The following ANKHD1 variants were observed in gnomAD, a reference collection of about 807,000 sequenced individuals.
ANKHD1 encodes the protein ankyrin repeat and KH domain-containing protein 1.
Under a neutral mutation model 230.5 loss-of-function variants are expected in ANKHD1, and 31 were observed. The observed-to-expected ratio is 0.13, with a 90% CI of 0.10 to 0.18. The LOEUF (loss-of-function observed/expected upper bound fraction) is 0.18, where lower values mean the gene tolerates loss of function less well. ANKHD1 is among the 10% of genes least tolerant of loss of function. The pLI is 1.00. For synonymous variants in ANKHD1, 1,074 were observed against 1,117.6 expected (o/e 0.96, Z 0.78); for missense variants, 2,256 against 3,071.3 (o/e 0.73, Z 6.27).
chr5:140,406,911 C>T (rs920435648), intron 1 of ANKHD1, among the ~76,000 whole-genome samples: 2 of 152,018 alleles, frequency 1.3e-5, no homozygotes. Flanking sequence ...TCTTAGCTAT[C>T]GAAGCCCTTG....
Position 140,514,828 on chromosome 5 carries a change from C to T in ANKHD1, c.4317+1349C>T, listed in dbSNP as rs777687209. On this transcript the variant is annotated intron_variant, in intron 24 of 33. Transcript: ENST00000360839. ...TCTACTAAAAGTTTAAAAAATTCAC[C>T]GGGCATAGAGGTGCACACCTGTAGT... Among the ~76,000 whole-genome samples, 8 of 152,068 alleles carry T rather than the reference C, an allele frequency of 5.3e-5. No individual in the cohort carries two copies. In the South Asian group the frequency reaches 6.2e-4, roughly 12 times the overall value.
chr5:140,529,353 G>T lies in ANKHD1; in HGVS notation c.6407G>T (p.Arg2136Leu), dbSNP rs542858619. ...GTACCAGCACCTCGAGTTTCTCATC[G>T]AATGCAGCCCAGAGGTTCTTTTTAC... ...LAVPAPRVSH[R>L]MQPRGSFYSM... The change falls in exon 29 of 34, where the codon CGA (arginine) becomes CTA (leucine). Residue 2136 changes from arginine to leucine, a missense_variant. Arg to Leu is a moderately radical substitution (Grantham distance 102). Transcript: ENST00000360839. 6.2e-7 allele frequency: 1 copy of T among 1,614,134 alleles called. No homozygotes were observed. Among genetic ancestry groups the T allele is most frequent in the South Asian group, 1.1e-5 (1 of 91,084 alleles).
chr5:140,526,477 C>T (rs1753610432), intron 26 of ANKHD1, 34 bp downstream of exon 26: 1 of 1,562,544 alleles, frequency 6.4e-7, no homozygotes, highest in Non-Finnish European at 8.6e-7. Context: ...TCTACCTGCA[C>T]CTTTCCTTCT....
At position 140,458,786 on chromosome 5, in the gene ANKHD1, T is replaced by C; in HGVS notation, c.1404T>C (p.Asn468=). 4 of 1,613,022 alleles carry C rather than the reference T, an allele frequency of 2.5e-6. No individual in the cohort carries two copies. Among genetic ancestry groups the C allele is most frequent in the Non-Finnish European group, 2.5e-6 (3 of 1,179,712 alleles). Reference sequence around the variant, plus strand: ...GGGGAGCAAATCTTGAAGAAGTTAATGATGAAGGATACACTCCCTTGATGG... The same window carrying C: ...GGGGAGCAAATCTTGAAGAAGTTAACGATGAAGGATACACTCCCTTGATGG... ...IERGANLEEV[N]DEGYTPLMEA... The change falls in exon 8 of 34, where the codon AAT becomes AAC. Residue 468 remains asparagine, a synonymous_variant. Coordinates refer to ENST00000360839, the MANE Select transcript of ANKHD1 (RefSeq NM_017747.3).
rs889012739 is a variant in ANKHD1 at position 140,510,200 on chromosome 5, A to G, written c.4104+19A>G. 1.0e-5 allele frequency: 16 copies of G among 1,580,186 alleles called. No individual in the cohort carries two copies. The African/African-American group carries it at 1.3e-4, about 13-fold the overall frequency. The stretch of plus-strand genomic sequence containing the variant: ...TCGCAAGGTAATTTGATATGGGGGA[A>G]GAAAGGTCAATTTTAAGCCAATTCT... On this transcript the variant is annotated intron_variant, in intron 22 of 33. Transcript: ENST00000360839.
In ANKHD1 at chr5:140,505,165, G is replaced by A; in HGVS notation, c.3194G>A (p.Gly1065Asp). 2 of 1,614,100 alleles carry A rather than the reference G, an allele frequency of 1.2e-6. No individual in the cohort carries two copies. The highest frequency in any genetic ancestry group is 4.5e-5 in the East Asian group (2 of 44,876). ...HDTALTLACA[G>D]GHEELVSVLI... Reference sequence around the variant, plus strand: ...ACAGCATTAACACTAGCTTGTGCAGGTGGTCATGAAGAACTTGTATCTGTG... The same window carrying A: ...ACAGCATTAACACTAGCTTGTGCAGATGGTCATGAAGAACTTGTATCTGTG... Residue 1065 changes from glycine to aspartate, a missense_variant, in exon 17 of 34, where the codon GGT (glycine) becomes GAT (aspartate). Gly to Asp is a moderately conservative substitution (Grantham distance 94, BLOSUM62 -1). Coordinates refer to ENST00000360839, the MANE Select transcript of ANKHD1 (RefSeq NM_017747.3).
In ANKHD1 at chr5:140,539,098, A is replaced by G. The variant is rs1754197766; in HGVS notation, c.7569+15A>G. On this transcript the variant is annotated intron_variant, in intron 33 of 33. Coordinates refer to ENST00000360839, the MANE Select transcript of ANKHD1 (RefSeq NM_017747.3). ...ATGCCCAGCAGGTAAAATGGGCTTAATGCTCTTTTGTTTTTTAGATTTGTC... is the reference window on the plus strand; with the variant it reads ...ATGCCCAGCAGGTAAAATGGGCTTAGTGCTCTTTTGTTTTTTAGATTTGTC... The G allele has an allele frequency of 1.9e-6, 3 of 1,584,420 alleles. No homozygotes were observed. The highest frequency in any genetic ancestry group is 2.6e-6 in the Non-Finnish European group (3 of 1,166,572).
chr5:140,421,369 C>T (rs1319579884), intron 1 of ANKHD1, among the ~76,000 whole-genome samples: 5 of 143,756 alleles, frequency 3.5e-5, no homozygotes, highest in Admixed American at 7.3e-5. Flanking sequence ...GGCGTGATCT[C>T]GGCTCACTGC....
intron 14 of ANKHD1, among the ~76,000 whole-genome samples, chr5:140,495,909 G>A (rs957531698): frequency 1.3e-5 from 2 of 152,040 alleles, no homozygotes; most frequent in African/African-American, 4.8e-5. Flanking sequence ...TGTGTTAAAG[G>A]TATATTTAAT....
chr5:140,533,901 C>T (rs1753956949), intron 29 of ANKHD1, among the ~76,000 whole-genome samples: 1 of 151,962 alleles, frequency 6.6e-6, no homozygotes, highest in Non-Finnish European at 1.5e-5. Flanking sequence ...ATTCTCACTA[C>T]CTCTAGGTTT....
At chr5:140,487,470 G>T (rs1426050310) in intron 14 of ANKHD1, among the ~76,000 whole-genome samples, 1 of 152,138 alleles carries the variant, frequency 6.6e-6, no homozygotes, top group East Asian at 1.9e-4. Context: ...TGAGTGAGAA[G>T]TTTAAGAATT....
intron 1 of ANKHD1, among the ~76,000 whole-genome samples, chr5:140,423,099 C>G (rs1001436173): frequency 6.6e-6 from 1 of 151,938 alleles, no homozygotes; most frequent in Non-Finnish European, 1.5e-5. Flanking sequence ...GGTGAGGTCT[C>G]AATACCTAGG....
chr5:140,455,059 A>G (rs1775062709), intron 7 of ANKHD1, among the ~76,000 whole-genome samples: 1 of 152,204 alleles, frequency 6.6e-6, no homozygotes, highest in Non-Finnish European at 1.5e-5. Context: ...AGAAATACAA[A>G]CTACCATCAG....
At chr5:140,471,192 T>C (rs921328842) in intron 10 of ANKHD1, among the ~76,000 whole-genome samples, 1 of 152,170 alleles carries the variant, frequency 6.6e-6, no homozygotes, top group African/African-American at 2.4e-5. Flanking sequence ...GCTCAATCTG[T>C]ATTTAGTTTC....
At position 140,527,071 on chromosome 5, in the gene ANKHD1, G is replaced by A. The variant is rs768430611; in HGVS notation, c.5084G>A (p.Arg1695Gln). The change falls in exon 27 of 34, where the codon CGA becomes CAA. Residue 1695 changes from arginine to glutamine, a missense_variant. This residue lies in a region of ANKHD1 where 212 missense variants were observed against 257.3 expected (regional missense o/e 0.82). Transcript: ENST00000360839. This position sits in a 1 kb window ranked among gnomAD's most constrained non-coding sequence, Gnocchi z 4.5. ...GAAGAAGGGTGGAAAGAAGTTGTAC[G>A]AAGGTAAATAGAATTAGTTCCATCT... ...KREEGWKEVVRRSKKLSVPAS... is the reference protein window; with the variant it reads ...KREEGWKEVVQRSKKLSVPAS... 2 of 1,611,322 alleles carry A rather than the reference G, an allele frequency of 1.2e-6. No individual in the cohort carries two copies. Among genetic ancestry groups the A allele is most frequent in the Admixed American group, 1.7e-5 (1 of 59,316 alleles).
chr5:140,530,636 T>C (rs1231188888), intron 29 of ANKHD1, among the ~76,000 whole-genome samples: 4 of 152,234 alleles, frequency 2.6e-5, no homozygotes, highest in East Asian at 3.8e-4. Context: ...ATGAGAAATA[T>C]ATAGACAGAT....
intron 1 of ANKHD1, among the ~76,000 whole-genome samples, chr5:140,418,323 T>C (rs1243126310): frequency 6.6e-6 from 1 of 151,994 alleles, no homozygotes; most frequent in Non-Finnish European, 1.5e-5. Context: ...GTTTTTTGTA[T>C]TTTTTGTAGA....
At chr5:140,487,683 C>T (rs1175588348) in intron 14 of ANKHD1, among the ~76,000 whole-genome samples, 2 of 152,066 alleles carry the variant, frequency 1.3e-5, no homozygotes, top group African/African-American at 2.4e-5. Flanking sequence ...TGAAATGTAC[C>T]TTCATGTATA....
In ANKHD1 at chr5:140,473,273, C is replaced by T. The variant is rs151194218; in HGVS notation, c.1782+8497C>T. 7.7e-3 allele frequency among the ~76,000 whole-genome samples: 1,169 copies of T among 152,024 alleles called. 8 individuals are homozygous for T. Among genetic ancestry groups the T allele is most frequent in the Non-Finnish European group, 0.014 (947 of 67,952 alleles). On this transcript the variant is annotated intron_variant, in intron 10 of 33. Coordinates refer to ENST00000360839, the MANE Select transcript of ANKHD1 (RefSeq NM_017747.3). ...TCGAACTCCTGACCTTGTGATCTAC[C>T]CGCCTCGGCCTCCTAAAGTGCTGGG...
Sources: allele counts gnomAD v4.1 joint callset (sites outside exome capture counted in the v4.1 genomes callset), GRCh38; gene constraint gnomAD v4.1.1; regional missense constraint gnomAD v4.1.1; non-coding constraint Gnocchi (gnomAD v3.1); transcripts MANE v1.5; gene names NCBI Gene and HGNC (gene_info 2026-07-23, HGNC 2026-07-21).